The following SPATS2L variants were observed in gnomAD, a reference collection of about 807,000 sequenced individuals.
SPATS2L encodes the protein SPATS2-like protein.
Under a neutral mutation model 59.6 loss-of-function variants are expected in SPATS2L, and 30 were observed. The observed-to-expected ratio is 0.50, with a 90% CI of 0.38 to 0.68. The LOEUF is 0.68. Ranked by LOEUF, SPATS2L falls within the 30% of genes least tolerant of loss-of-function variation. SPATS2L has a pLI of 0.00. For synonymous variants in SPATS2L, 252 were observed against 263.5 expected, an observed-to-expected ratio of 0.96 and a Z score of 0.42; for missense variants, 615 against 700.0, an observed-to-expected ratio of 0.88 and a Z score of 1.37.
intron 1 of SPATS2L, among the ~76,000 whole-genome samples, chr2:200,323,521 T>G (rs2079632749): frequency 6.6e-6 from 1 of 152,216 alleles, no homozygotes; most frequent in African/African-American, 2.4e-5. Context: ...GGGGCTAACC[T>G]CACCAGACCC....
Position 200,480,063 on chromosome 2 carries a change from C to T in SPATS2L, c.*2032C>T, listed in dbSNP as rs1352938543. 8.2e-6 allele frequency: 2 copies of T among 243,042 alleles called. No individual in the cohort carries two copies. The highest frequency in any genetic ancestry group is 1.6e-5 in the Non-Finnish European group (2 of 127,562). The allele number at this position is 243,042 out of a possible 1,614,324, so 15.1% of individuals were successfully genotyped here. A position where few individuals can be genotyped will look rare whatever the true frequency, so the allele number is the denominator to read the frequency against. ...CAGTTTTTTATGTAGCAAGATTTTG[C>T]TCACCACTGAAAAATGTCAGTGTAA... On this transcript the variant is annotated 3_prime_UTR_variant, in exon 13 of 13. Coordinates refer to ENST00000409140, the MANE Select transcript of SPATS2L (RefSeq NM_001100423.2).
chr2:200,324,151 T>C (rs2079655882), intron 1 of SPATS2L, among the ~76,000 whole-genome samples: 1 of 152,232 alleles, frequency 6.6e-6, no homozygotes. Flanking sequence ...ATACAGTCAC[T>C]GTGGATCGCC....
chr2:200,337,920 C>G (rs2080196967), intron 2 of SPATS2L, among the ~76,000 whole-genome samples: 1 of 152,226 alleles, frequency 6.6e-6, no homozygotes, highest in African/African-American at 2.4e-5. Flanking sequence ...ATAAGACATA[C>G]TCAATTAGTA....
chr2:200,345,560 C>T (rs2105830643), intron 2 of SPATS2L, among the ~76,000 whole-genome samples: 1 of 152,286 alleles, frequency 6.6e-6, no homozygotes, highest in South Asian at 2.1e-4. Context: ...ATTAGGCCAG[C>T]TCTGGGGTTT....
At chr2:200,358,210 C>G (rs1165100539) in intron 2 of SPATS2L, among the ~76,000 whole-genome samples, 1 of 152,128 alleles carries the variant, frequency 6.6e-6, no homozygotes, top group Non-Finnish European at 1.5e-5. Context: ...CATTTCTTAC[C>G]ATCTTAGGAG....
At position 200,309,698 on chromosome 2, in the gene SPATS2L, A is replaced by T. The variant is rs2105740334; in HGVS notation, c.-73+2776A>T. 1.3e-5 allele frequency among the ~76,000 whole-genome samples: 2 copies of T among 152,328 alleles called. 1 individual carries two copies. Among genetic ancestry groups the T allele is most frequent in the South Asian group, 4.1e-4 (2 of 4,822 alleles). On this transcript the variant is annotated intron_variant, in intron 1 of 12. Transcript: ENST00000409140. ...GCCTTAAAGTGTAATCACACAATTAAAATAAGATTTTCATGTTACAAACAG... is the reference window on the plus strand; with the variant it reads ...GCCTTAAAGTGTAATCACACAATTATAATAAGATTTTCATGTTACAAACAG...
At chr2:200,389,137 A>T in intron 2 of SPATS2L, 86 bp from the exon 3 acceptor site, 5 of 770,660 alleles carry the variant, frequency 6.5e-6, no homozygotes, top group Non-Finnish European at 8.5e-6. Context: ...GACCGAATGA[A>T]GTTGTTTACT....
chr2:200,472,165 C>T (rs2087097265), intron 11 of SPATS2L, among the ~76,000 whole-genome samples: 1 of 152,202 alleles, frequency 6.6e-6, no homozygotes. Context: ...GGAAGTGGTG[C>T]ACATCTGCAG....
chr2:200,452,975 G>A (rs2085573232), intron 8 of SPATS2L, among the ~76,000 whole-genome samples: 1 of 152,158 alleles, frequency 6.6e-6, no homozygotes, highest in Non-Finnish European at 1.5e-5. Context: ...TATATACAGA[G>A]TGGAAGGTGA....
At chr2:200,375,850 C>T (rs569583206) in intron 2 of SPATS2L, among the ~76,000 whole-genome samples, 2 of 152,152 alleles carry the variant, frequency 1.3e-5, no homozygotes, top group Non-Finnish European at 2.9e-5. Flanking sequence ...TGCTCTCGAA[C>T]TCCTGGACTC....
chr2:200,469,680 G>T, intron 10 of SPATS2L: 1 of 472,418 alleles, frequency 2.1e-6, no homozygotes, highest in East Asian at 3.4e-5. Flanking sequence ...TTTCATGTAG[G>T]CCCAAACAAG....
intron 1 of SPATS2L, among the ~76,000 whole-genome samples, chr2:200,320,869 ATAATT>A (rs1258408045): frequency 6.6e-6 from 1 of 152,322 alleles, no homozygotes; most frequent in Non-Finnish European, 1.5e-5. Context: ...GATAGAAAAA[ATAATT>A]TAAAAGAATA....
intron 8 of SPATS2L, among the ~76,000 whole-genome samples, chr2:200,442,991 C>T (rs948681795): frequency 6.6e-6 from 1 of 152,166 alleles, no homozygotes; most frequent in African/African-American, 2.4e-5. Context: ...TTTAGATCAA[C>T]CATTTTGGTA....
intron 2 of SPATS2L, among the ~76,000 whole-genome samples, chr2:200,361,718 T>G (rs1158813426): frequency 6.6e-6 from 1 of 152,234 alleles, no homozygotes; most frequent in Admixed American, 6.5e-5. Flanking sequence ...TGCACTTTTC[T>G]ACATCCTCTT....
intron 2 of SPATS2L, among the ~76,000 whole-genome samples, chr2:200,334,570 G>A (rs2080073817): frequency 6.6e-6 from 1 of 151,728 alleles, no homozygotes; most frequent in African/African-American, 2.4e-5. Flanking sequence ...TGGTGTTTTA[G>A]ACATGAAGTC....
chr2:200,456,028 C>T (rs1559148725), intron 8 of SPATS2L, among the ~76,000 whole-genome samples: 1 of 152,222 alleles, frequency 6.6e-6, no homozygotes, highest in Non-Finnish European at 1.5e-5. Context: ...TGCCAAAGGA[C>T]AGGCTGGCTT....
At chr2:200,323,637 C>G (rs567535127) in intron 1 of SPATS2L, among the ~76,000 whole-genome samples, 2 of 152,142 alleles carry the variant, frequency 1.3e-5, no homozygotes, top group Non-Finnish European at 2.9e-5. Context: ...TTTGGATGCT[C>G]ACACCCAGGG....
chr2:200,381,876 A>C (rs1559082948), intron 2 of SPATS2L, among the ~76,000 whole-genome samples: 1 of 152,200 alleles, frequency 6.6e-6, no homozygotes, highest in Non-Finnish European at 1.5e-5. Context: ...CAGACACTTT[A>C]ATTACTCTTA....
chr2:200,443,542 G>A (rs1048087926), intron 8 of SPATS2L, among the ~76,000 whole-genome samples: 3 of 152,118 alleles, frequency 2.0e-5, no homozygotes, highest in East Asian at 1.9e-4. Flanking sequence ...GTGCACAAGC[G>A]ACATAGATGT....
Sources: allele counts gnomAD v4.1 joint callset (sites outside exome capture counted in the v4.1 genomes callset), GRCh38; gene constraint gnomAD v4.1.1; transcripts MANE v1.5; gene names NCBI Gene and HGNC (gene_info 2026-07-23, HGNC 2026-07-21).